Variants in ANO4 observed in about 807,000 individuals in gnomAD.
ANO4 encodes the protein anoctamin 4, also known as anoctamin-4.
Under a neutral mutation model 141.9 loss-of-function variants are expected in ANO4, and 69 were observed. The ratio of observed to expected loss-of-function variants is 0.49; its 90% CI spans 0.40 to 0.59. The LOEUF is 0.59. Among genes scored for constraint, ANO4 ranks in the 20% least tolerant of loss-of-function variants. The probability of loss-of-function intolerance (pLI) is 0.00; values close to 1 mark genes in which losing one functional copy is unlikely to be tolerated. For missense variants in ANO4, 894 were observed against 1,162.2 expected, an observed-to-expected ratio of 0.77 and a Z score of 3.36; for synonymous variants, 350 against 394.3, an observed-to-expected ratio of 0.89 and a Z score of 1.33.
At chr12:101,047,973 C>G (rs1436091360) in intron 13 of ANO4, 1 of 997,022 alleles carries the variant, frequency 1.0e-6, no homozygotes, top group Non-Finnish European at 1.2e-6. Flanking sequence ...AGTTGAAAAC[C>G]TTTAAAGCAG....
At chr12:100,997,685 G>A (rs1454586351) in intron 8 of ANO4, among the ~76,000 whole-genome samples, 1 of 151,998 alleles carries the variant, frequency 6.6e-6, no homozygotes, top group Non-Finnish European at 1.5e-5. Context: ...ACACCAAAGG[G>A]GCCAAGCGGA....
intron 5 of ANO4, among the ~76,000 whole-genome samples, chr12:100,951,121 C>T (rs1050042451): frequency 2.0e-5 from 3 of 152,038 alleles, no homozygotes; most frequent in Non-Finnish European, 4.4e-5. Context: ...TAAATTAAAA[C>T]CACAATGAGA....
chr12:101,076,952 G>A (rs979058177), intron 14 of ANO4, among the ~76,000 whole-genome samples: 1 of 152,198 alleles, frequency 6.6e-6, no homozygotes, highest in Non-Finnish European at 1.5e-5. Context: ...CAGCAGGCCT[G>A]CTTTAGAAAG....
At chr12:100,826,547 C>T (rs2036353953) in intron 1 of ANO4, among the ~76,000 whole-genome samples, 2 of 152,008 alleles carry the variant, frequency 1.3e-5, no homozygotes, top group African/African-American at 4.8e-5. Flanking sequence ...ACTGGACCAG[C>T]GTTGCTTGCT....
At chr12:100,999,882 T>TAAA (rs76908168) in intron 8 of ANO4, among the ~76,000 whole-genome samples, 1 of 129,814 alleles carries the variant, frequency 7.7e-6, no homozygotes, top group Non-Finnish European at 1.7e-5. Flanking sequence ...CCCTCTCTAC[T>TAAA]AAAAAAAAAA....
In ANO4 at chr12:100,806,524, G is replaced by GTTTTTTTTTTTTTTTTTT. The variant is rs763949654; in HGVS notation, c.-141+11516_-141+11533dup. ...TTTTAGGAGGTTTTTTTTTTGTTTC[G>GTTTTTTTTTTTTTTTTTT]TTTTTTTTTTTTTTTTTTTTTTTTT... On this transcript the variant is annotated intron_variant, in intron 1 of 27. Coordinates refer to ENST00000392977, the MANE Select transcript of ANO4 (RefSeq NM_001286615.2). Among the ~76,000 whole-genome samples the GTTTTTTTTTTTTTTTTTT allele has an allele frequency of 1.6e-3, 95 of 59,874 alleles. 24 individuals are homozygous for GTTTTTTTTTTTTTTTTTT. Among genetic ancestry groups the GTTTTTTTTTTTTTTTTTT allele is most frequent in the East Asian group, 3.5e-3 (5 of 1,448 alleles). The allele number at this position is 59,874 out of a possible 152,430, so 39.3% of individuals were successfully genotyped here.
chr12:100,883,703 G>A (rs1405118864), intron 1 of ANO4, among the ~76,000 whole-genome samples: 1 of 152,110 alleles, frequency 6.6e-6, no homozygotes, highest in African/African-American at 2.4e-5. Context: ...ATTACTATCT[G>A]CTACTTGACT....
intron 4 of ANO4, among the ~76,000 whole-genome samples, chr12:100,940,902 C>A (rs1444899518): frequency 2.0e-5 from 3 of 152,090 alleles, no homozygotes. Context: ...CAATCCACTC[C>A]TTTTGTTCTT....
At chr12:101,037,885 A>C (rs1276302623) in intron 10 of ANO4, among the ~76,000 whole-genome samples, 2 of 152,238 alleles carry the variant, frequency 1.3e-5, no homozygotes, top group African/African-American at 4.8e-5. Flanking sequence ...GACCTCACAA[A>C]GTAGCCAATG....
chr12:101,007,820 A>G (rs1160078980), intron 8 of ANO4, among the ~76,000 whole-genome samples: 1 of 152,160 alleles, frequency 6.6e-6, no homozygotes, highest in Non-Finnish European at 1.5e-5. Flanking sequence ...CCTGGGCTCA[A>G]GCAGTCCTCC....
At chr12:100,882,389 C>T (rs2039613458) in intron 1 of ANO4, among the ~76,000 whole-genome samples, 1 of 152,096 alleles carries the variant, frequency 6.6e-6, no homozygotes, top group Non-Finnish European at 1.5e-5. Context: ...TTGCTATATG[C>T]CCAAATCTGT....
chr12:101,004,521 C>T (rs2045791261), intron 8 of ANO4, among the ~76,000 whole-genome samples: 1 of 152,150 alleles, frequency 6.6e-6, no homozygotes, highest in South Asian at 2.1e-4. Context: ...TTCCAGTCTC[C>T]CTCTCATGCC....
intron 14 of ANO4, among the ~76,000 whole-genome samples, chr12:101,061,053 G>A (rs545440234): frequency 2.0e-4 from 30 of 152,160 alleles, no homozygotes; most frequent in African/African-American, 7.0e-4. Context: ...CTTCCTTCAG[G>A]AGCTCTTGTA....
chr12:100,849,638 T>C (rs1282887540), intron 1 of ANO4, among the ~76,000 whole-genome samples: 4 of 152,234 alleles, frequency 2.6e-5, no homozygotes, highest in African/African-American at 4.8e-5. Flanking sequence ...TTCATTTTAC[T>C]AGTCCATTAT....
intron 3 of ANO4, among the ~76,000 whole-genome samples, chr12:100,760,746 G>C (rs1013365794): frequency 1.3e-5 from 2 of 152,176 alleles, no homozygotes; most frequent in Admixed American, 6.6e-5. Context: ...TGTTCTGCAG[G>C]CTTGGAGGAA....
intron 4 of ANO4, among the ~76,000 whole-genome samples, chr12:100,941,215 T>TAA (rs909254191): frequency 2.1e-5 from 3 of 141,118 alleles, no homozygotes; most frequent in African/African-American, 7.7e-5. Context: ...TTGTTGTGGG[T>TAA]AAAAAAAAAA....
At chr12:100,757,786 C>T (rs1260236417) in intron 3 of ANO4, among the ~76,000 whole-genome samples, 4 of 152,130 alleles carry the variant, frequency 2.6e-5, no homozygotes, top group Admixed American at 6.5e-5. Context: ...TCTAAAGTGC[C>T]GTTAAATTTA....
At chr12:100,840,136 A>C (rs2037161963) in intron 1 of ANO4, among the ~76,000 whole-genome samples, 1 of 151,628 alleles carries the variant, frequency 6.6e-6, no homozygotes, top group African/African-American at 2.4e-5. Context: ...TAATAATAAT[A>C]ATAATAACAA....
chr12:101,052,123 A>G (rs1018996945), intron 14 of ANO4, among the ~76,000 whole-genome samples: 1 of 152,146 alleles, frequency 6.6e-6, no homozygotes, highest in African/African-American at 2.4e-5. Flanking sequence ...TGTTCACCGG[A>G]AAAAAATAAT....
Sources: allele counts gnomAD v4.1 joint callset (sites outside exome capture counted in the v4.1 genomes callset), GRCh38; gene constraint gnomAD v4.1.1; transcripts MANE v1.5; gene names NCBI Gene and HGNC (gene_info 2026-07-23, HGNC 2026-07-21).